Variants in PRKCB observed in about 807,000 individuals in gnomAD.
PRKCB encodes the protein protein kinase C beta.
Under a neutral mutation model 81.5 loss-of-function variants are expected in PRKCB, and 13 were observed. The ratio of observed to expected loss-of-function variants is 0.16; its 90% CI spans 0.10 to 0.25. PRKCB has a LOEUF of 0.25. Among genes scored for constraint, PRKCB ranks in the 10% least tolerant of loss-of-function variants. PRKCB has a pLI of 1.00. For missense variants in PRKCB, 509 were observed against 875.7 expected, an observed-to-expected ratio of 0.58 and a Z score of 5.29; for synonymous variants, 335 against 321.4, an observed-to-expected ratio of 1.04 and a Z score of -0.45.
chr16:24,075,083 A>C (rs771698563), intron 5 of PRKCB, among the ~76,000 whole-genome samples: 64 of 150,514 alleles, frequency 4.3e-4, no homozygotes, highest in Non-Finnish European at 7.8e-4. Context: ...TGCACCACGC[A>C]CTCTAGCCTG....
intron 5 of PRKCB, among the ~76,000 whole-genome samples, chr16:24,064,287 A>C (rs571978293): frequency 6.6e-6 from 1 of 152,280 alleles, no homozygotes; most frequent in African/African-American, 2.4e-5. Flanking sequence ...CTTCTTTCCT[A>C]ATATGTACAT....
Position 24,155,199 on chromosome 16 carries a change from T to C in PRKCB, c.1239+342T>C, listed in dbSNP as rs112308172. On this transcript the variant is annotated intron_variant, in intron 10 of 16. Coordinates refer to ENST00000643927, the MANE Select transcript of PRKCB (RefSeq NM_002738.7). ...ATCTAGATGGTTCCATTCAGCCCTC[T>C]AGACCTTTGGATAAATGCACAAGTA... Among the ~76,000 whole-genome samples, 26 of 152,312 alleles carry C rather than the reference T, an allele frequency of 1.7e-4. 2 individuals carry two copies. Among genetic ancestry groups the C allele is most frequent in the African/African-American group, 6.0e-4 (25 of 41,574 alleles).
At chr16:23,959,789 G>A (rs760095861) in intron 2 of PRKCB, among the ~76,000 whole-genome samples, 3 of 152,174 alleles carry the variant, frequency 2.0e-5, no homozygotes, top group Non-Finnish European at 4.4e-5. Context: ...TTATTGGCAC[G>A]ATCTTGCAGG....
intron 2 of PRKCB, among the ~76,000 whole-genome samples, chr16:23,898,457 A>G (rs1332040430): frequency 1.3e-5 from 2 of 152,070 alleles, no homozygotes. Flanking sequence ...TCCTCCCATC[A>G]TAGAGCTTGC....
intron 3 of PRKCB, among the ~76,000 whole-genome samples, chr16:24,022,166 C>A (rs1965413676): frequency 6.6e-6 from 1 of 152,046 alleles, no homozygotes; most frequent in African/African-American, 2.4e-5. Context: ...TTTGAGAGCA[C>A]TTGAGACTGA....
At chr16:23,853,402 C>A (rs1422791861) in intron 2 of PRKCB, among the ~76,000 whole-genome samples, 2 of 152,202 alleles carry the variant, frequency 1.3e-5, no homozygotes, top group African/African-American at 2.4e-5. Flanking sequence ...CATTTCACAA[C>A]AACTTCAGCT....
rs140976873 is a variant in PRKCB at position 24,011,176 on chromosome 16, A to AT, written c.289-20951dup. On this transcript the variant is annotated intron_variant, in intron 3 of 16. Coordinates refer to ENST00000643927, the MANE Select transcript of PRKCB (RefSeq NM_002738.7). ...AGCCACCATGCCCAGCCACCACTCTATTTTTTTTTAAATTGGAGGTAGGGT... is the reference window on the plus strand; with the variant it reads ...AGCCACCATGCCCAGCCACCACTCTATTTTTTTTTTAAATTGGAGGTAGGGT... Among the ~76,000 whole-genome samples, 780 of 151,302 alleles carry AT rather than the reference A, an allele frequency of 5.2e-3. 4 individuals carry two copies. Among genetic ancestry groups the AT allele is most frequent in the Admixed American group, 0.011 (162 of 15,208 alleles).
intron 16 of PRKCB, among the ~76,000 whole-genome samples, chr16:24,202,752 T>C (rs149429492): frequency 6.6e-4 from 100 of 152,356 alleles, no homozygotes; most frequent in Admixed American, 1.1e-3. Flanking sequence ...TTGTTTCTTA[T>C]CTGCTTATCT....
chr16:24,009,861 A>G (rs1965178407), intron 3 of PRKCB, among the ~76,000 whole-genome samples: 1 of 151,996 alleles, frequency 6.6e-6, no homozygotes, highest in Non-Finnish European at 1.5e-5. Flanking sequence ...CTGAAAATAC[A>G]AAAACTAGCC....
chr16:23,956,788 G>T (rs1415642680), intron 2 of PRKCB, among the ~76,000 whole-genome samples: 1 of 152,066 alleles, frequency 6.6e-6, no homozygotes, highest in Non-Finnish European at 1.5e-5. Flanking sequence ...CAAGAGTCCT[G>T]AGGAGGACTG....
rs1160842975 is a variant in PRKCB at position 24,049,047 on chromosome 16, G to GTTTTTTTTT, written c.529+13522_529+13530dup. On this transcript the variant is annotated intron_variant, in intron 5 of 16. Transcript: ENST00000643927. ...TGATAACATTTCTTCAAATTGGCCTGTTTTTTTTTTTTTTTTTTTTTTTTT... is the reference window on the plus strand; with the variant it reads ...TGATAACATTTCTTCAAATTGGCCTGTTTTTTTTTTTTTTTTTTTTTTTTTTTTTTTTTT... Among the ~76,000 whole-genome samples the GTTTTTTTTT allele has an allele frequency of 1.8e-3, 90 of 49,692 alleles. 16 individuals carry two copies. Among genetic ancestry groups the GTTTTTTTTT allele is most frequent in the Non-Finnish European group, 2.1e-3 (61 of 28,602 alleles). The allele number at this position is 49,692 out of a possible 152,430, so 32.6% of individuals were successfully genotyped here. A position where few individuals can be genotyped will look rare whatever the true frequency, so the allele number is the denominator to read the frequency against.
intron 3 of PRKCB, among the ~76,000 whole-genome samples, chr16:23,998,954 T>G (rs1401416645): frequency 6.6e-6 from 1 of 152,244 alleles, no homozygotes; most frequent in Non-Finnish European, 1.5e-5. Context: ...AAGTACTCCC[T>G]GCAGCCAGCA....
At chr16:23,971,752 A>G (rs1964560097) in intron 2 of PRKCB, among the ~76,000 whole-genome samples, 1 of 152,090 alleles carries the variant, frequency 6.6e-6, no homozygotes, top group South Asian at 2.1e-4. Flanking sequence ...CCACAGTTAA[A>G]TGTCTTTAAT....
At position 23,896,395 on chromosome 16, in the gene PRKCB, C is replaced by T. The variant is rs951628631; in HGVS notation, c.205+58989C>T. 5.9e-5 allele frequency among the ~76,000 whole-genome samples: 9 copies of T among 152,106 alleles called. No individual in the cohort carries two copies. The South Asian group carries it at 1.9e-3, about 32-fold the overall frequency. ...AAACATACTGTATGCAGACACTGTG[C>T]TAGGGTCTGAGAGAAACGTATTTGA... On this transcript the variant is annotated intron_variant, in intron 2 of 16. Transcript: ENST00000643927.
chr16:23,906,642 T>C (rs1245160911), intron 2 of PRKCB, among the ~76,000 whole-genome samples: 3 of 151,270 alleles, frequency 2.0e-5, no homozygotes, highest in African/African-American at 7.3e-5. Flanking sequence ...CTTTAACTTC[T>C]TTTTTTTTGC....
intron 7 of PRKCB, among the ~76,000 whole-genome samples, chr16:24,106,154 C>T (rs1966576284): frequency 1.3e-5 from 2 of 151,876 alleles, no homozygotes; most frequent in Admixed American, 1.3e-4. Context: ...AATCAGACTT[C>T]CCGGGTTAGA....
intron 2 of PRKCB, among the ~76,000 whole-genome samples, chr16:23,863,593 G>A (rs1441639758): frequency 1.3e-5 from 2 of 152,200 alleles, no homozygotes; most frequent in East Asian, 1.9e-4. Flanking sequence ...TTTGTGCCTC[G>A]AAATAGAATT....
intron 2 of PRKCB, among the ~76,000 whole-genome samples, chr16:23,953,219 C>T (rs1405582708): frequency 6.6e-6 from 1 of 152,172 alleles, no homozygotes; most frequent in Non-Finnish European, 1.5e-5. Flanking sequence ...TCAGCTGTTT[C>T]TCTCACTGTG....
intron 8 of PRKCB, among the ~76,000 whole-genome samples, chr16:24,120,950 A>G (rs1966792833): frequency 6.6e-6 from 1 of 152,092 alleles, no homozygotes; most frequent in Non-Finnish European, 1.5e-5. Context: ...CACTCAGCCC[A>G]CGTGCTGGGG....
Sources: allele counts gnomAD v4.1 joint callset (sites outside exome capture counted in the v4.1 genomes callset), GRCh38; gene constraint gnomAD v4.1.1; transcripts MANE v1.5; gene names NCBI Gene and HGNC (gene_info 2026-07-23, HGNC 2026-07-21).